The following C4orf17 variants were observed in gnomAD, a reference collection of about 807,000 sequenced individuals.
C4orf17 encodes uncharacterized protein C4orf17.
C4orf17 carries 25 observed loss-of-function variants against 32.0 expected under a neutral mutation model. The observed-to-expected ratio is 0.78, with a 90% CI of 0.57 to 1.09. The LOEUF is 1.09. Ranked by LOEUF, C4orf17 falls within the 50% of genes least tolerant of loss-of-function variation. C4orf17 has a pLI of 0.00. For synonymous variants in C4orf17, 149 were observed against 145.8 expected, an observed-to-expected ratio of 1.02 and a Z score of -0.16; for missense variants, 420 against 420.0, an observed-to-expected ratio of 1.00 and a Z score of 0.00.
At chr4:99,514,364 G>A (rs755973797) in intron 2 of C4orf17, among the ~76,000 whole-genome samples, 1 of 152,062 alleles carries the variant, frequency 6.6e-6, no homozygotes, top group Non-Finnish European at 1.5e-5. Flanking sequence ...ATCCGACAAA[G>A]GACTAATATC....
At chr4:99,511,669 T>A (rs889525516) in intron 1 of C4orf17, among the ~76,000 whole-genome samples, 2 of 152,102 alleles carry the variant, frequency 1.3e-5, no homozygotes, top group Non-Finnish European at 2.9e-5. Flanking sequence ...TTTTTCACTC[T>A]CCAAATTGTC....
At position 99,522,643 on chromosome 4, in the gene C4orf17, G is replaced by A. The variant is rs17029087; in HGVS notation, c.271G>A (p.Glu91Lys). 0.26 allele frequency: 414,803 copies of A among 1,610,582 alleles called. 55,086 individuals are homozygous for A. Among genetic ancestry groups the A allele is most frequent in the Middle Eastern group, 0.28 (1,690 of 6,048 alleles). Residue 91 changes from glutamate to lysine, a missense_variant, in exon 3 of 9, where the codon GAG becomes AAG. By Grantham distance (56) the Glu-to-Lys change is moderately conservative. Transcript: ENST00000326581. ...TTACCCCTCCAGCACTGCAGTCCAGGAGAGCCCTGTAAGAGGAATGTCGCC... is the reference window on the plus strand; with the variant it reads ...TTACCCCTCCAGCACTGCAGTCCAGAAGAGCCCTGTAAGAGGAATGTCGCC... ...CSYPSSTAVQESPVRGMSPAP... is the reference protein window; with the variant it reads ...CSYPSSTAVQKSPVRGMSPAP...
intron 3 of C4orf17, among the ~76,000 whole-genome samples, chr4:99,523,825 GAAGA>G (rs1723337221): frequency 6.6e-6 from 1 of 151,854 alleles, no homozygotes; most frequent in Non-Finnish European, 1.5e-5. Flanking sequence ...GCTGATAAAA[GAAGA>G]AAGAAAATAA....
chr4:99,528,837 A>T (rs569450575), intron 4 of C4orf17, among the ~76,000 whole-genome samples: 1 of 152,246 alleles, frequency 6.6e-6, no homozygotes, highest in Admixed American at 6.5e-5. Flanking sequence ...CCTGCCCTTG[A>T]CATATGGGGA....
intron 6 of C4orf17, among the ~76,000 whole-genome samples, chr4:99,538,006 C>T (rs939548376): frequency 6.6e-6 from 1 of 152,146 alleles, no homozygotes; most frequent in Non-Finnish European, 1.5e-5. Flanking sequence ...TGTCCAAGGG[C>T]GGTCTTATTC....
At chr4:99,524,203 G>C (rs143403305) in intron 3 of C4orf17, among the ~76,000 whole-genome samples, 3 of 151,890 alleles carry the variant, frequency 2.0e-5, no homozygotes, top group Admixed American at 6.6e-5. Flanking sequence ...GGATGGTCTC[G>C]ATCTCCTGAC....
Position 99,537,768 on chromosome 4 carries a change from A to G in C4orf17, c.628+18A>G, listed in dbSNP as rs754156769. On this transcript the variant is annotated intron_variant, in intron 6 of 8. Transcript: ENST00000326581. ...TTCAAAAGGTGCGATTAAGATATAA[A>G]TTTTAAAACACTGAGCTCAATTTAT... 2 of 1,564,494 alleles carry G rather than the reference A, an allele frequency of 1.3e-6. No individual in the cohort carries two copies. Among genetic ancestry groups the G allele is most frequent in the South Asian group, 2.2e-5 (2 of 90,198 alleles).
intron 1 of C4orf17, among the ~76,000 whole-genome samples, chr4:99,511,794 T>C (rs1422264509): frequency 6.6e-6 from 1 of 152,122 alleles, no homozygotes; most frequent in Non-Finnish European, 1.5e-5. Flanking sequence ...AACAAAGAGA[T>C]TAGAACTAGC....
intron 2 of C4orf17, among the ~76,000 whole-genome samples, chr4:99,518,721 C>T (rs1723238587): frequency 6.7e-6 from 1 of 149,948 alleles, no homozygotes; most frequent in Admixed American, 6.6e-5. Flanking sequence ...CTCCTATCAA[C>T]TCCCTCCCCC....
At chr4:99,522,367 C>A in intron 2 of C4orf17, 133 bp from the exon 3 acceptor site, 2 of 661,874 alleles carry the variant, frequency 3.0e-6, no homozygotes, top group Non-Finnish European at 4.7e-6. Context: ...TTGGTTTATA[C>A]AATTTGAAGT....
intron 5 of C4orf17, among the ~76,000 whole-genome samples, chr4:99,534,420 G>A (rs917583907): frequency 3.9e-5 from 6 of 152,054 alleles, no homozygotes; most frequent in Non-Finnish European, 5.9e-5. Flanking sequence ...TTGCTATTGC[G>A]AATAGTGCTG....
At position 99,511,037 on chromosome 4, in the gene C4orf17, C is replaced by T. The variant is rs1223533439; in HGVS notation, c.-329C>T. On this transcript the variant is annotated 5_prime_UTR_variant, in exon 1 of 9. Coordinates refer to ENST00000326581, the MANE Select transcript of C4orf17 (RefSeq NM_032149.3). ...AAGCTATGTAACATATCTTAACAAC[C>T]AGGGAGCCACACAGGCTCCTTGGAG... 2 of 152,032 alleles carry T rather than the reference C, an allele frequency of 1.3e-5. No individual in the cohort carries two copies. Among genetic ancestry groups the T allele is most frequent in the Non-Finnish European group, 2.9e-5 (2 of 68,004 alleles). 9.4% of individuals were successfully genotyped at this position (152,032 alleles called of 1,614,324 possible). A position where few individuals can be genotyped will look rare whatever the true frequency, so the allele number is the denominator to read the frequency against.
In C4orf17 at chr4:99,539,143, T is replaced by A. The variant is rs371495156; in HGVS notation, c.629-20T>A. The A allele has an allele frequency of 8.1e-6, 13 of 1,608,308 alleles. No individual in the cohort carries two copies. The highest frequency in any genetic ancestry group is 1.1e-5 in the Non-Finnish European group (13 of 1,175,148). On this transcript the variant is annotated intron_variant, in intron 6 of 8. Transcript: ENST00000326581. ...ATTGCAACCTTCACTCCTCCCACCC[T>A]TTTTTGTCTTTTAAACCAGAAAAAG...
rs2110175688 is a variant in C4orf17 at position 99,542,124 on chromosome 4, G to A, written c.*15G>A. On this transcript the variant is annotated 3_prime_UTR_variant, in exon 9 of 9. Transcript: ENST00000326581. ...ACCGGAGGTAGAAGTTCTAGACTGG[G>A]TGAATTCTTTCATGAATATGAGCTT... 6.2e-7 allele frequency: 1 copy of A among 1,602,072 alleles called. No individual in the cohort carries two copies. Among genetic ancestry groups the A allele is most frequent in the Non-Finnish European group, 8.5e-7 (1 of 1,170,674 alleles).
intron 4 of C4orf17, among the ~76,000 whole-genome samples, chr4:99,529,167 A>C (rs770820649): frequency 2.0e-5 from 3 of 152,220 alleles, no homozygotes; most frequent in Admixed American, 6.5e-5. Context: ...GTTATAAATC[A>C]GTCACTTCTG....
At chr4:99,518,507 AAAAAAAAAAAAATATATATAT>A (rs1723225637) in intron 2 of C4orf17, among the ~76,000 whole-genome samples, 1 of 74,000 alleles carries the variant, frequency 1.4e-5, no homozygotes, top group Non-Finnish European at 2.3e-5. Flanking sequence ...AAAAAAAAAA[AAAAAAAAAAAAATATATATAT>A]ATATATATAT....
chr4:99,541,748 G>A (rs1448018933), intron 8 of C4orf17, 162 bp from the exon 9 acceptor site: 10 of 604,300 alleles, frequency 1.7e-5, no homozygotes, highest in Admixed American at 9.8e-5. Flanking sequence ...AGCATGTGGT[G>A]GAAAAAAAAA....
intron 3 of C4orf17, among the ~76,000 whole-genome samples, chr4:99,524,064 C>T (rs1442960242): frequency 2.7e-5 from 4 of 149,880 alleles, no homozygotes; most frequent in Admixed American, 2.7e-4. Context: ...ACTGCAAACT[C>T]CACCTCCTGG....
At position 99,522,664 on chromosome 4, in the gene C4orf17, T is replaced by C; in HGVS notation, c.292T>C (p.Ser98Pro). 3 of 1,614,032 alleles carry C rather than the reference T, an allele frequency of 1.9e-6. 1 individual carries two copies. Among genetic ancestry groups the C allele is most frequent in the Non-Finnish European group, 2.5e-6 (3 of 1,179,990 alleles). Residue 98 changes from serine (S) to proline (P), a missense_variant, in exon 3 of 9, where the codon TCG (serine) becomes CCG (proline). Physicochemically the swap from Ser to Pro is moderately conservative, Grantham distance 74. Transcript: ENST00000326581. ...AVQESPVRGM[S>P]PAPNGAKVPP... ...CCAGGAGAGCCCTGTAAGAGGAATG[T>C]CGCCAGCCCCAAACGGTGCCAAAGT...
Sources: gnomAD v4.1 joint callset for allele counts (sites outside exome capture counted in the v4.1 genomes callset) on GRCh38, gnomAD v4.1.1 for gene constraint, MANE v1.5 for transcripts, NCBI Gene and HGNC (gene_info 2026-07-23, HGNC 2026-07-21) for gene names.